The following BRD10 variants were observed in gnomAD, a reference collection of about 807,000 sequenced individuals.
BRD10 encodes uncharacterized bromodomain-containing protein 10.
chr9:5,984,521 G>A, the BRD10 span, among the ~76,000 whole-genome samples: 1 of 152,022 alleles, frequency 6.6e-6, no homozygotes, highest in Admixed American at 6.6e-5. Flanking sequence ...AATATTACCA[G>A]GGATAAAAAG....
At chr9:5,993,332 A>C in the BRD10 span, among the ~76,000 whole-genome samples, 1 of 120,484 alleles carries the variant, frequency 8.3e-6, no homozygotes, top group South Asian at 2.6e-4. Flanking sequence ...AAAAAAAAAA[A>C]AAAACAACTA....
chr9:5,951,067 CA>C, the BRD10 span, among the ~76,000 whole-genome samples: 131 of 150,532 alleles, frequency 8.7e-4, no homozygotes, highest in Middle Eastern at 3.4e-3. Context: ...CACACACACA[CA>C]CACACACACC....
At chr9:5,906,591 C>G in the BRD10 span, among the ~76,000 whole-genome samples, 2 of 152,216 alleles carry the variant, frequency 1.3e-5, no homozygotes, top group Non-Finnish European at 1.5e-5. Flanking sequence ...TAGATTCACT[C>G]TTCTTATCCT....
the BRD10 span, chr9:5,923,299 C>T: frequency 1.3e-6 from 2 of 1,592,944 alleles, no homozygotes; most frequent in Non-Finnish European, 8.6e-7. Context: ...TTTCTGACAA[C>T]TTCATATCAT....
chr9:5,937,511 G>C, the BRD10 span, among the ~76,000 whole-genome samples: 1 of 152,274 alleles, frequency 6.6e-6, no homozygotes, highest in South Asian at 2.1e-4. Context: ...CTCCAGCCTA[G>C]GCAAATGAAC....
At chr9:5,945,029 G>C in the BRD10 span, 1 of 713,612 alleles carries the variant, frequency 1.4e-6, no homozygotes, top group Non-Finnish European at 2.2e-6. Context: ...GGTAACAGAA[G>C]TTGTTTTAAC....
chr9:5,953,945 A>G, the BRD10 span: 13 of 840,632 alleles, frequency 1.5e-5, no homozygotes, highest in Non-Finnish European at 2.1e-5. Context: ...AATTCAGCCA[A>G]ACTCTCGAGG....
chr9:5,944,814 G>T, the BRD10 span: 1 of 760,500 alleles, frequency 1.3e-6, no homozygotes, highest in Non-Finnish European at 2.0e-6. Flanking sequence ...TTAGGAAAAA[G>T]CAGGAATAAA....
At chr9:5,926,570 T>G in the BRD10 span, among the ~76,000 whole-genome samples, 7 of 152,072 alleles carry the variant, frequency 4.6e-5, no homozygotes, top group African/African-American at 1.4e-4. Flanking sequence ...CTCACTCTGT[T>G]GCCCAGGCCA....
chr9:6,002,631 A>G, the BRD10 span, among the ~76,000 whole-genome samples: 1 of 151,942 alleles, frequency 6.6e-6, no homozygotes, highest in East Asian at 1.9e-4. Flanking sequence ...TTTGATTACT[A>G]CTTGTACTTG....
the BRD10 span, among the ~76,000 whole-genome samples, chr9:5,928,321 T>G: frequency 6.6e-6 from 1 of 152,194 alleles, no homozygotes; most frequent in Non-Finnish European, 1.5e-5. Flanking sequence ...CTGGTTTCCC[T>G]GCTTTCATCT....
the BRD10 span, among the ~76,000 whole-genome samples, chr9:5,914,410 G>GTTT: frequency 8.0e-4 from 60 of 75,470 alleles, 2 homozygotes; most frequent in South Asian, 1.7e-3. Context: ...AATCCAGATG[G>GTTT]TTTTTTTTTT....
chr9:5,973,801 G>A, the BRD10 span, among the ~76,000 whole-genome samples: 4 of 152,202 alleles, frequency 2.6e-5, no homozygotes, highest in African/African-American at 9.6e-5. Flanking sequence ...AAGATCACTT[G>A]AGCCCAGGAG....
At chr9:5,907,711 G>A in the BRD10 span, among the ~76,000 whole-genome samples, 1 of 152,172 alleles carries the variant, frequency 6.6e-6, no homozygotes, top group Non-Finnish European at 1.5e-5. Flanking sequence ...CCAGCACTTC[G>A]GGAGGCCGAG....
the BRD10 span, among the ~76,000 whole-genome samples, chr9:5,917,128 CAAT>C: frequency 3.9e-5 from 6 of 152,080 alleles, no homozygotes; most frequent in Non-Finnish European, 8.8e-5. Flanking sequence ...GGTGCTGGCA[CAAT>C]AATGATGATG....
the BRD10 span, among the ~76,000 whole-genome samples, chr9:5,952,497 T>TAA: frequency 6.6e-6 from 1 of 152,356 alleles, no homozygotes; most frequent in Non-Finnish European, 1.5e-5. Flanking sequence ...TTACTATATG[T>TAA]AATTGTGCTG....
At chr9:5,984,307 G>C in the BRD10 span, among the ~76,000 whole-genome samples, 1 of 152,012 alleles carries the variant, frequency 6.6e-6, no homozygotes, top group African/African-American at 2.4e-5. Context: ...GTAGAAGGAA[G>C]GCATACGACA....
At chr9:5,988,550 G>A in the BRD10 span, 1 of 1,610,332 alleles carries the variant, frequency 6.2e-7, no homozygotes. Context: ...AAGTGCCTTG[G>A]AGAAGAATAA....
the BRD10 span, among the ~76,000 whole-genome samples, chr9:5,905,579 T>C: frequency 2.0e-5 from 3 of 152,206 alleles, no homozygotes; most frequent in South Asian, 2.1e-4. Flanking sequence ...ACATGACAGA[T>C]TGCAGACTCC....
Sources: allele counts gnomAD v4.1 joint callset (sites outside exome capture counted in the v4.1 genomes callset), GRCh38; gene constraint gnomAD v4.1.1; transcripts MANE v1.5; gene names NCBI Gene and HGNC (gene_info 2026-07-23, HGNC 2026-07-21).